The following XRCC4 variants were observed in gnomAD, a reference collection of about 807,000 sequenced individuals.
XRCC4 encodes X-ray repair cross complementing 4, also known as DNA repair protein XRCC4.
A neutral mutation model predicts 39.1 loss-of-function variants in XRCC4; 28 were observed. The observed-to-expected ratio is 0.72, with a 90% CI of 0.53 to 0.98. The LOEUF (loss-of-function observed/expected upper bound fraction) is 0.98. XRCC4 is among the 50% of genes least tolerant of loss of function. The pLI, the probability that XRCC4 is intolerant of heterozygous loss-of-function variation, is 0.00. For missense variants in XRCC4, 350 were observed against 376.4 expected, an observed-to-expected ratio of 0.93 and a Z score of 0.58; for synonymous variants, 123 against 126.4, an observed-to-expected ratio of 0.97 and a Z score of 0.18.
At chr5:83,302,796 C>T (rs1755335933) in intron 7 of XRCC4, among the ~76,000 whole-genome samples, 1 of 152,184 alleles carries the variant, frequency 6.6e-6, no homozygotes, top group Admixed American at 6.5e-5. Flanking sequence ...AACAATTTCT[C>T]AAAGTGCTTT....
At chr5:83,351,498 C>T (rs559442183) in intron 7 of XRCC4, among the ~76,000 whole-genome samples, 7 of 152,128 alleles carry the variant, frequency 4.6e-5, no homozygotes, top group Non-Finnish European at 8.8e-5. Context: ...AAATGTTTAA[C>T]GTGTTTTGAG....
intron 3 of XRCC4, among the ~76,000 whole-genome samples, chr5:83,165,720 A>C (rs1264891487): frequency 6.6e-6 from 1 of 152,024 alleles, no homozygotes; most frequent in Admixed American, 6.6e-5. Context: ...TCCACTTATA[A>C]GTGAGAATGC....
chr5:83,368,392 G>C, the XRCC4 span, among the ~76,000 whole-genome samples: 1 of 152,168 alleles, frequency 6.6e-6, no homozygotes, highest in Non-Finnish European at 1.5e-5. Context: ...GGTTGTTCAC[G>C]TTCATCTGCT....
At chr5:83,184,461 A>T (rs990607364) in intron 3 of XRCC4, among the ~76,000 whole-genome samples, 8 of 151,986 alleles carry the variant, frequency 5.3e-5, no homozygotes, top group Non-Finnish European at 1.0e-4. Context: ...ACATTTTTTA[A>T]TGGGAAGGAG....
At chr5:83,314,228 T>A (rs957294933) in intron 7 of XRCC4, among the ~76,000 whole-genome samples, 29 of 152,254 alleles carry the variant, frequency 1.9e-4, no homozygotes, top group Admixed American at 1.6e-3. Context: ...TATAACCCTT[T>A]CTCTAACAAA....
At chr5:83,271,694 C>T (rs1288876006) in intron 7 of XRCC4, among the ~76,000 whole-genome samples, 1 of 152,036 alleles carries the variant, frequency 6.6e-6, no homozygotes, top group African/African-American at 2.4e-5. Context: ...GCAAATGCAT[C>T]ATATTCTCTC....
intron 4 of XRCC4, among the ~76,000 whole-genome samples, chr5:83,197,955 G>A (rs1005887710): frequency 4.6e-5 from 7 of 152,112 alleles, no homozygotes; most frequent in African/African-American, 1.2e-4. Context: ...GCCACTTTAA[G>A]GAGCTGTAAA....
intron 3 of XRCC4, among the ~76,000 whole-genome samples, chr5:83,184,451 A>T (rs1426629762): frequency 6.6e-6 from 1 of 152,014 alleles, no homozygotes; most frequent in African/African-American, 2.4e-5. Flanking sequence ...TTAATAGCTG[A>T]CATTTTTTAA....
chr5:83,332,662 C>G (rs1012621787), intron 7 of XRCC4, among the ~76,000 whole-genome samples: 1 of 152,116 alleles, frequency 6.6e-6, no homozygotes, highest in African/African-American at 2.4e-5. Context: ...ACGCCTAAAA[C>G]TTTGTTGTTT....
At chr5:83,345,966 C>CTG (rs933468411) in intron 7 of XRCC4, among the ~76,000 whole-genome samples, 6 of 151,450 alleles carry the variant, frequency 4.0e-5, no homozygotes, top group East Asian at 3.9e-4. Flanking sequence ...ATGTGTGTGC[C>CTG]TGTGTGTGTG....
intron 3 of XRCC4, among the ~76,000 whole-genome samples, chr5:83,154,132 T>A (rs1446510848): frequency 1.3e-5 from 2 of 152,202 alleles, no homozygotes; most frequent in East Asian, 3.8e-4. Flanking sequence ...CTACTTACAG[T>A]TTTGGAATCT....
At chr5:83,233,432 A>T (rs1207506428) in intron 6 of XRCC4, among the ~76,000 whole-genome samples, 2 of 152,122 alleles carry the variant, frequency 1.3e-5, no homozygotes, top group African/African-American at 4.8e-5. Flanking sequence ...GTTAATAATC[A>T]ACTATATCAC....
chr5:83,122,837 T>C (rs1177277363), intron 3 of XRCC4, among the ~76,000 whole-genome samples: 3 of 152,192 alleles, frequency 2.0e-5, no homozygotes, highest in Non-Finnish European at 4.4e-5. Context: ...CAATTTTGTT[T>C]GATATTACAG....
intron 7 of XRCC4, among the ~76,000 whole-genome samples, chr5:83,285,323 G>A (rs991035898): frequency 1.3e-5 from 2 of 152,098 alleles, no homozygotes; most frequent in African/African-American, 4.8e-5. Context: ...TGTTTCAAAG[G>A]GGGTTCTAGC....
At position 83,152,341 on chromosome 5, in the gene XRCC4, A is replaced by G. The variant is rs73150012; in HGVS notation, c.315+41138A>G. Among the ~76,000 whole-genome samples, 1,026 of 152,342 alleles carry G rather than the reference A, an allele frequency of 6.7e-3. 10 individuals are homozygous for G. Among genetic ancestry groups the G allele is most frequent in the African/African-American group, 0.024 (985 of 41,582 alleles). On this transcript the variant is annotated intron_variant, in intron 3 of 7. Transcript: ENST00000396027. Reference sequence around the variant, plus strand: ...AATGATATATGTAGGTATAATTGAAATAGAACTTCAGGCCTGGCACGGTGG... The same window carrying G: ...AATGATATATGTAGGTATAATTGAAGTAGAACTTCAGGCCTGGCACGGTGG...
chr5:83,326,126 A>C (rs1382224649), intron 7 of XRCC4, among the ~76,000 whole-genome samples: 1 of 152,002 alleles, frequency 6.6e-6, no homozygotes, highest in Non-Finnish European at 1.5e-5. Flanking sequence ...AAATGTGTTT[A>C]AGTTCCTTGT....
chr5:83,283,068 G>T (rs888881583), intron 7 of XRCC4, among the ~76,000 whole-genome samples: 4 of 149,258 alleles, frequency 2.7e-5, no homozygotes, highest in Non-Finnish European at 4.5e-5. Flanking sequence ...AAAAAAAAAG[G>T]TTTTTGCAAA....
At chr5:83,263,380 A>G (rs1231632000) in intron 7 of XRCC4, among the ~76,000 whole-genome samples, 1 of 151,860 alleles carries the variant, frequency 6.6e-6, no homozygotes, top group East Asian at 1.9e-4. Context: ...TGGCTGGGTC[A>G]AATGGTATTT....
intron 3 of XRCC4, among the ~76,000 whole-genome samples, chr5:83,114,838 T>C (rs1458269837): frequency 6.6e-6 from 1 of 152,174 alleles, no homozygotes; most frequent in East Asian, 1.9e-4. Context: ...ATTAGTCTGT[T>C]CTTACACTGC....
Sources: gnomAD v4.1 joint callset for allele counts (sites outside exome capture counted in the v4.1 genomes callset) on GRCh38, gnomAD v4.1.1 for gene constraint, MANE v1.5 for transcripts, NCBI Gene and HGNC (gene_info 2026-07-23, HGNC 2026-07-21) for gene names.